The following SCUBE1 variants were observed in gnomAD, a reference collection of about 807,000 sequenced individuals.
The protein encoded by SCUBE1 is signal peptide, CUB and EGF-like domain-containing protein 1.
SCUBE1 carries 59 observed loss-of-function variants against 124.4 expected under a neutral mutation model. That is an observed-to-expected ratio of 0.47 (90% CI 0.38 to 0.59). The LOEUF is 0.59. Ranked by LOEUF, SCUBE1 falls within the 20% of genes least tolerant of loss-of-function variation. SCUBE1 has a pLI of 0.00. For missense variants in SCUBE1, 1,150 were observed against 1,371.2 expected, an observed-to-expected ratio of 0.84 and a Z score of 2.55; for synonymous variants, 545 against 550.9, an observed-to-expected ratio of 0.99 and a Z score of 0.15.
chr22:43,206,645 T>G (rs1229571047), intron 21 of SCUBE1, among the ~76,000 whole-genome samples: 30 of 80,782 alleles, frequency 3.7e-4, no homozygotes, highest in South Asian at 7.1e-4. Flanking sequence ...GGGAAAGAGG[T>G]GGGGGAAAGA....
Position 43,210,354 on chromosome 22 carries a change from C to T in SCUBE1, c.2384-114G>A, listed in dbSNP as rs1303714636. 4.7e-6 allele frequency: 4 copies of T among 857,802 alleles called. No individual in the cohort carries two copies. Among genetic ancestry groups the T allele is most frequent in the African/African-American group, 1.8e-5 (1 of 57,114 alleles). The allele number at this position is 857,802 out of a possible 1,614,324, so 53.1% of individuals were successfully genotyped here. ...GGCAGGGCTGGAAGGTGCTCTTGTC[C>T]CCCCCCACACTAGCCCTCGGACCCT... On this transcript the variant is annotated intron_variant, in intron 18 of 21. Coordinates refer to ENST00000360835, the MANE Select transcript of SCUBE1 (RefSeq NM_173050.5). This position sits in a 1 kb window ranked among gnomAD's most constrained non-coding sequence, Gnocchi z 4.5.
chr22:43,235,643 C>T (rs1045886131), intron 7 of SCUBE1, among the ~76,000 whole-genome samples: 4 of 152,124 alleles, frequency 2.6e-5, no homozygotes, highest in African/African-American at 9.7e-5. Context: ...ATGCAGGCTC[C>T]CGCTGAGGAA....
rs1480561210 is a variant in SCUBE1, at chr22:43,255,901, G to A, written c.727+2318C>T. Among the ~76,000 whole-genome samples the A allele has an allele frequency of 2.0e-5, 3 of 152,158 alleles. No homozygotes were observed. The highest frequency in any genetic ancestry group is 2.1e-4 in the South Asian group (1 of 4,834). On this transcript the variant is annotated intron_variant, in intron 6 of 21. Coordinates refer to ENST00000360835, the MANE Select transcript of SCUBE1 (RefSeq NM_173050.5). The surrounding 1 kb of genome is among the most constrained non-coding windows in gnomAD (Gnocchi z 4.7). ...GCTGAGGTCAGGGCAGACGGGATTC[G>A]TCCGCAGAGAGCCACAGAAGCAGAA...
intron 14 of SCUBE1, among the ~76,000 whole-genome samples, chr22:43,219,715 C>T (rs1043951584): frequency 6.6e-6 from 1 of 152,164 alleles, no homozygotes; most frequent in Non-Finnish European, 1.5e-5. Flanking sequence ...CTCAAGTGAT[C>T]CACCCACTTT....
At chr22:43,265,408 C>T (rs1449711371) in intron 4 of SCUBE1, among the ~76,000 whole-genome samples, 2 of 152,228 alleles carry the variant, frequency 1.3e-5, no homozygotes, top group Non-Finnish European at 2.9e-5. Context: ...CAGGCCCTAT[C>T]TGTAGTCAGC....
intron 4 of SCUBE1, 38 bp downstream of exon 4, chr22:43,291,007 TG>T (rs760032411): frequency 1.0e-4 from 160 of 1,529,772 alleles, no homozygotes; most frequent in South Asian, 2.3e-4. Flanking sequence ...CTGCCCATCC[TG>T]GGGGGGGACA....
Position 43,220,485 on chromosome 22 carries a change from T to C in SCUBE1, c.1652A>G (p.Glu551Gly). 1 of 1,614,070 alleles carries C rather than the reference T, an allele frequency of 6.2e-7. No individual in the cohort carries two copies. The highest frequency in any genetic ancestry group is 8.5e-7 in the Non-Finnish European group (1 of 1,179,988). Residue 551 changes from glutamate (E) to glycine (G), a missense_variant, in exon 14 of 22, where the codon GAG becomes GGG. Around this residue, in one of 3 missense-constraint regions of SCUBE1, gnomAD observed 757 missense variants for 840.9 expected, o/e 0.90. Coordinates refer to ENST00000360835, the MANE Select transcript of SCUBE1 (RefSeq NM_173050.5). Reference protein sequence around the residue: ...PSKEVSHITAEFEIETKMEEA... With the variant: ...PSKEVSHITAGFEIETKMEEA... The stretch of plus-strand genomic sequence containing the variant: ...TTCCATCTTTGTCTCGATCTCAAAC[T>C]CTGCTGTGATGTGGGACACCTCCTT...
intron 11 of SCUBE1, 93 bp from the exon 12 acceptor site, chr22:43,222,835 C>A (rs549660469): frequency 2.7e-6 from 3 of 1,097,988 alleles, no homozygotes; most frequent in South Asian, 1.4e-5. Context: ...TGGAGTGAGA[C>A]GAAGATCAGG....
chr22:43,215,825 A>G (rs2146660910), intron 15 of SCUBE1, among the ~76,000 whole-genome samples: 1 of 152,130 alleles, frequency 6.6e-6, no homozygotes, highest in Middle Eastern at 3.4e-3. Flanking sequence ...CAAAAGGGAC[A>G]TTGTTGGAAG....
intron 4 of SCUBE1, among the ~76,000 whole-genome samples, chr22:43,285,899 G>A (rs1026531400): frequency 6.6e-6 from 1 of 152,240 alleles, no homozygotes; most frequent in Admixed American, 6.5e-5. Flanking sequence ...ACTACCTTGT[G>A]CACAGATGAA....
chr22:43,229,235 T>TGGGGGGTGGTTTTTGTGGGTGG, intron 8 of SCUBE1, 47 bp from the exon 9 acceptor site: 1 of 720,226 alleles, frequency 1.4e-6, no homozygotes, highest in Non-Finnish European at 2.5e-6. Context: ...TTTGAGGGAG[T>TGGGGGGTGGTTTTTGTGGGTGG]GGTGGGTGGG....
intron 6 of SCUBE1, among the ~76,000 whole-genome samples, chr22:43,239,858 T>C (rs1270788446): frequency 6.6e-6 from 1 of 152,220 alleles, no homozygotes; most frequent in Non-Finnish European, 1.5e-5. Context: ...TCCCCCTGCC[T>C]GCCTTCGCCT....
intron 4 of SCUBE1, among the ~76,000 whole-genome samples, chr22:43,280,494 C>T (rs62232103): frequency 0.032 from 1,185 of 36,476 alleles, 43 homozygotes; most frequent in East Asian, 0.22. Context: ...CACCCATCCC[C>T]GTCCCTTCCC....
intron 4 of SCUBE1, among the ~76,000 whole-genome samples, chr22:43,269,251 C>A (rs1924197181): frequency 6.6e-6 from 1 of 152,196 alleles, no homozygotes; most frequent in African/African-American, 2.4e-5. Context: ...GCCCTGGCAG[C>A]CCTTCCCCAC....
In SCUBE1 at chr22:43,203,727, C is replaced by A; in HGVS notation, c.*270G>T. 1 of 394,386 alleles carries A rather than the reference C, an allele frequency of 2.5e-6. No individual in the cohort carries two copies. Among genetic ancestry groups the A allele is most frequent in the Admixed American group, 4.1e-5 (1 of 24,480 alleles). 24.4% of individuals were successfully genotyped at this position (394,386 alleles called of 1,614,324 possible). On this transcript the variant is annotated 3_prime_UTR_variant, in exon 22 of 22. Coordinates refer to ENST00000360835, the MANE Select transcript of SCUBE1 (RefSeq NM_173050.5). Reference sequence around the variant, plus strand: ...GTCCTGCAATCCTGCTACCTGCAGTCGGTCTGCCAGGGCTCAGGAGAGGGC... The same window carrying A: ...GTCCTGCAATCCTGCTACCTGCAGTAGGTCTGCCAGGGCTCAGGAGAGGGC...
chr22:43,208,341 A>G (rs1265419721), intron 19 of SCUBE1, 117 bp from the exon 20 acceptor site: 5 of 906,926 alleles, frequency 5.5e-6, no homozygotes, highest in African/African-American at 4.9e-5. Flanking sequence ...TGGTCCCCCA[A>G]ACACAACGGC....
chr22:43,268,017 C>T (rs1376966688), intron 4 of SCUBE1, among the ~76,000 whole-genome samples: 1 of 152,208 alleles, frequency 6.6e-6, no homozygotes, highest in African/African-American at 2.4e-5. Flanking sequence ...TGTGACTCTA[C>T]CCCCTCTGCT....
At chr22:43,246,705 A>C (rs1159237506) in intron 6 of SCUBE1, among the ~76,000 whole-genome samples, 1 of 152,206 alleles carries the variant, frequency 6.6e-6, no homozygotes, top group East Asian at 1.9e-4. Context: ...TGCTCAACAG[A>C]GGGAAGCCTT....
intron 4 of SCUBE1, among the ~76,000 whole-genome samples, chr22:43,270,871 C>A (rs1348410667): frequency 6.6e-6 from 1 of 152,222 alleles, no homozygotes; most frequent in Non-Finnish European, 1.5e-5. Context: ...TGCCCCTGCA[C>A]CCAGTGCCCA....
Sources: allele counts gnomAD v4.1 joint callset (sites outside exome capture counted in the v4.1 genomes callset), GRCh38; gene constraint gnomAD v4.1.1; regional missense constraint gnomAD v4.1.1; non-coding constraint Gnocchi (gnomAD v3.1); transcripts MANE v1.5; gene names NCBI Gene and HGNC (gene_info 2026-07-23, HGNC 2026-07-21).